The following MORC1 variants were observed in gnomAD, a reference collection of about 807,000 sequenced individuals.
The protein encoded by MORC1 is MORC family CW-type zinc finger 1.
Under a neutral mutation model 134.9 loss-of-function variants are expected in MORC1, and 59 were observed. The observed-to-expected ratio is 0.44, with a 90% CI of 0.35 to 0.54. MORC1 has a LOEUF of 0.54. Ranked by LOEUF, MORC1 falls within the 20% of genes least tolerant of loss-of-function variation. The probability of loss-of-function intolerance (pLI) is 0.00; values close to 1 mark genes in which losing one functional copy is unlikely to be tolerated. For synonymous variants in MORC1, 395 were observed against 391.7 expected (o/e 1.01, Z -0.10); for missense variants, 947 against 1,134.5 (o/e 0.83, Z 2.37).
At chr3:109,075,717 T>C (rs894568728) in intron 8 of MORC1, among the ~76,000 whole-genome samples, 5 of 152,198 alleles carry the variant, frequency 3.3e-5, no homozygotes, top group Non-Finnish European at 7.3e-5. Flanking sequence ...TAGTATAGTT[T>C]GAAGTCAGGT....
intron 13 of MORC1, among the ~76,000 whole-genome samples, chr3:109,056,227 A>T (rs1228928693): frequency 6.6e-6 from 1 of 152,000 alleles, no homozygotes; most frequent in Non-Finnish European, 1.5e-5. Context: ...TCTAGGTTTT[A>T]TTTATTTATT....
chr3:109,063,898 A>C (rs1038985367), intron 9 of MORC1, among the ~76,000 whole-genome samples: 1 of 152,138 alleles, frequency 6.6e-6, no homozygotes, highest in African/African-American at 2.4e-5. Flanking sequence ...GTTATAGAAA[A>C]TTCCTGGAAC....
At chr3:109,047,908 C>T (rs1328397400) in intron 14 of MORC1, among the ~76,000 whole-genome samples, 4 of 152,126 alleles carry the variant, frequency 2.6e-5, no homozygotes, top group African/African-American at 9.7e-5. Context: ...AAGGAATCTA[C>T]GCATTGATCA....
intron 8 of MORC1, among the ~76,000 whole-genome samples, chr3:109,084,739 C>CA (rs1488257893): frequency 1.3e-5 from 2 of 151,946 alleles, no homozygotes; most frequent in Non-Finnish European, 2.9e-5. Flanking sequence ...TACATGACTC[C>CA]AAAATACACT....
chr3:109,102,448 T>C (rs1950946717), intron 4 of MORC1, among the ~76,000 whole-genome samples: 1 of 152,122 alleles, frequency 6.6e-6, no homozygotes, highest in Non-Finnish European at 1.5e-5. Flanking sequence ...GGATGCTGTG[T>C]GGGGAATGGA....
At chr3:108,994,386 G>T (rs1948142882) in intron 21 of MORC1, among the ~76,000 whole-genome samples, 1 of 151,170 alleles carries the variant, frequency 6.6e-6, no homozygotes, top group African/African-American at 2.4e-5. Flanking sequence ...GAGACAAAAG[G>T]GCCAGTCAGT....
chr3:109,087,768 A>T (rs1389565967), intron 8 of MORC1, among the ~76,000 whole-genome samples: 1 of 152,138 alleles, frequency 6.6e-6, no homozygotes, highest in Admixed American at 6.6e-5. Flanking sequence ...TGACTAGCCA[A>T]AGCAATCCTA....
intron 23 of MORC1, among the ~76,000 whole-genome samples, chr3:108,983,330 T>A (rs1947802728): frequency 6.6e-6 from 1 of 152,022 alleles, no homozygotes; most frequent in African/African-American, 2.4e-5. Flanking sequence ...TCTCATGGAG[T>A]GCATTGGCAT....
chr3:108,969,097 G>C (rs993670033), intron 26 of MORC1, among the ~76,000 whole-genome samples: 1 of 151,736 alleles, frequency 6.6e-6, no homozygotes, highest in African/African-American at 2.4e-5. Context: ...AGCATTATTT[G>C]ATAACTGTTA....
chr3:109,117,767 C>T (rs1452914684), intron 1 of MORC1, among the ~76,000 whole-genome samples: 1 of 152,188 alleles, frequency 6.6e-6, no homozygotes, highest in Non-Finnish European at 1.5e-5. Flanking sequence ...AATGTAGGGC[C>T]TTCCAACCAC....
chr3:108,967,458 C>T (rs779445114), intron 26 of MORC1, among the ~76,000 whole-genome samples: 1 of 152,134 alleles, frequency 6.6e-6, no homozygotes, highest in East Asian at 1.9e-4. Context: ...CACAGACTTT[C>T]GGTTGGGACA....
At chr3:109,054,663 C>A in intron 14 of MORC1, 65 bp downstream of exon 14, 1 of 1,335,532 alleles carries the variant, frequency 7.5e-7, no homozygotes, top group African/African-American at 1.5e-5. Context: ...ATCATGTCAG[C>A]TTAAAGAAAT....
At chr3:109,083,248 C>T (rs1219373192) in intron 8 of MORC1, among the ~76,000 whole-genome samples, 2 of 151,522 alleles carry the variant, frequency 1.3e-5, no homozygotes, top group Non-Finnish European at 1.5e-5. Context: ...CACCACCAGA[C>T]CCATCTTACA....
chr3:108,996,285 C>T (rs989880552), intron 21 of MORC1, among the ~76,000 whole-genome samples: 8 of 91,222 alleles, frequency 8.8e-5, no homozygotes, highest in African/African-American at 2.9e-4. Flanking sequence ...TGCGCGCGCG[C>T]GCACACACAC....
chr3:109,039,598 T>C (rs542800555), intron 14 of MORC1, among the ~76,000 whole-genome samples: 83 of 152,142 alleles, frequency 5.5e-4, no homozygotes, highest in Non-Finnish European at 1.1e-3. Flanking sequence ...GGATATTAAA[T>C]TGCAGTTAAT....
chr3:108,986,955 A>C lies in MORC1; in HGVS notation c.2188-6T>G. The C allele has an allele frequency of 6.4e-7, 1 of 1,558,228 alleles. No homozygotes were observed. Among genetic ancestry groups the C allele is most frequent in the South Asian group, 1.2e-5 (1 of 80,034 alleles). ...GTGTTGCTTTTATCTGAAACCTGAA[A>C]AACAAGCTCTTTATTTAAAACTGTA... On this transcript the variant is annotated splice_region_variant and splice_polypyrimidine_tract_variant and intron_variant, in intron 21 of 27. Transcript: ENST00000232603.
intron 3 of MORC1, chr3:109,110,168 C>T (rs1439213858): frequency 6.6e-6 from 1 of 152,286 alleles, no homozygotes; most frequent in African/African-American, 2.4e-5. Flanking sequence ...GACCAGTAGC[C>T]AATATTGCAG....
intron 1 of MORC1, among the ~76,000 whole-genome samples, chr3:109,116,507 A>T (rs1951277535): frequency 6.6e-6 from 1 of 152,260 alleles, no homozygotes; most frequent in South Asian, 2.1e-4. Flanking sequence ...TCAGTGGCTC[A>T]TGACTGTAAT....
intron 20 of MORC1, among the ~76,000 whole-genome samples, chr3:109,001,661 G>A (rs1213163617): frequency 6.6e-6 from 1 of 152,096 alleles, no homozygotes; most frequent in Non-Finnish European, 1.5e-5. Context: ...CACAATCTCT[G>A]TGCACATCTA....
Sources: gnomAD v4.1 joint callset for allele counts (sites outside exome capture counted in the v4.1 genomes callset) on GRCh38, gnomAD v4.1.1 for gene constraint, MANE v1.5 for transcripts, NCBI Gene and HGNC (gene_info 2026-07-23, HGNC 2026-07-21) for gene names.